CUX1: variants seen among roughly 807,000 people sequenced by gnomAD.
CUX1 encodes the protein cut like homeobox 1, also known as protein CASP.
CUX1 carries 31 observed loss-of-function variants against 158.8 expected under a neutral mutation model. The ratio of observed to expected loss-of-function variants is 0.20; its 90% CI spans 0.15 to 0.26. The LOEUF (loss-of-function observed/expected upper bound fraction) is 0.26, where lower values mean the gene tolerates loss of function less well. Among genes scored for constraint, CUX1 ranks in the 10% least tolerant of loss-of-function variants. The pLI, the probability that CUX1 is intolerant of heterozygous loss-of-function variation, is 1.00. For synonymous variants in CUX1, 879 were observed against 862.1 expected (o/e 1.02, Z -0.34); for missense variants, 1,589 against 2,014.6 (o/e 0.79, Z 4.04).
At chr7:101,835,721 A>G (rs1794550062) in intron 1 of CUX1, among the ~76,000 whole-genome samples, 1 of 152,010 alleles carries the variant, frequency 6.6e-6, no homozygotes, top group South Asian at 2.1e-4. Context: ...CCAATTATAC[A>G]CTTTTAGTTA....
rs67514665 is a variant in CUX1, at chr7:102,242,205, CTT to C, written c.3887+2642_3887+2643del. On this transcript the variant is annotated intron_variant, in intron 23 of 23. Transcript: ENST00000292535. The stretch of plus-strand genomic sequence containing the variant: ...TATCCCATTTCCACTTTCTTTCTTT[CTT>C]TTTTTTTTTTTTTTTTTTTTCTGAG... Among the ~76,000 whole-genome samples the C allele has an allele frequency of 1.6e-3, 150 of 93,024 alleles. 1 individual carries two copies. The highest frequency in any genetic ancestry group is 8.7e-3 in the East Asian group (20 of 2,288). 61.0% of individuals were successfully genotyped at this position (93,024 alleles called of 152,430 possible).
chr7:102,278,062 C>T (rs868969023), exon 18 of CUX1: 1 of 1,607,604 alleles, frequency 6.2e-7, no homozygotes, highest in Non-Finnish European at 8.5e-7. Flanking sequence ...GCTACCCTGG[C>T]CGGGTGAGGG....
intron 9 of CUX1, among the ~76,000 whole-genome samples, chr7:102,164,017 T>C (rs1554507962): frequency 1.3e-5 from 2 of 152,152 alleles, no homozygotes; most frequent in African/African-American, 4.8e-5. Context: ...GGCACTGGCA[T>C]AAATACTCAC....
At chr7:102,282,472 G>A (rs1377457577) in intron 21 of CUX1, among the ~76,000 whole-genome samples, 1 of 152,132 alleles carries the variant, frequency 6.6e-6, no homozygotes, top group Non-Finnish European at 1.5e-5. Context: ...TGACCCCAGG[G>A]TCCAGCGGCT....
chr7:101,996,693 TC>T (rs955933823), intron 2 of CUX1, among the ~76,000 whole-genome samples: 2 of 107,366 alleles, frequency 1.9e-5, no homozygotes, highest in Non-Finnish European at 3.5e-5. Context: ...TTTCCTTCCC[TC>T]CGTCTTTTTC....
rs572456592 is a variant in CUX1 at position 101,957,939 on chromosome 7, C to G, written c.141+41714C>G. 4.2e-4 allele frequency among the ~76,000 whole-genome samples: 64 copies of G among 152,258 alleles called. 1 individual carries two copies. The South Asian group carries it at 0.012, about 28-fold the overall frequency. On this transcript the variant is annotated intron_variant, in intron 2 of 23. Coordinates refer to ENST00000292535, the MANE Select transcript of CUX1 (RefSeq NM_181552.4). ...AACCCCAGCTGCCGTTTACTCACTG[C>G]AGTCCCTGGGCAAGTAATTCAGTCA...
intron 2 of CUX1, among the ~76,000 whole-genome samples, chr7:101,920,640 T>C (rs942464432): frequency 6.6e-6 from 1 of 152,238 alleles, no homozygotes; most frequent in Non-Finnish European, 1.5e-5. Flanking sequence ...TCATATGATA[T>C]TGTGTCTTTT....
At chr7:102,178,140 C>T (rs1242302289) in intron 10 of CUX1, among the ~76,000 whole-genome samples, 2 of 152,172 alleles carry the variant, frequency 1.3e-5, no homozygotes, top group Non-Finnish European at 2.9e-5. Context: ...GACCTAAGGT[C>T]ATCCACCCAC....
intron 4 of CUX1, among the ~76,000 whole-genome samples, chr7:102,074,506 A>G (rs1467535750): frequency 2.0e-5 from 3 of 152,118 alleles, no homozygotes; most frequent in Non-Finnish European, 2.9e-5. Flanking sequence ...GTCTCATTAG[A>G]GTGACAGCTC....
intron 2 of CUX1, among the ~76,000 whole-genome samples, chr7:102,007,543 G>T (rs548824498): frequency 6.6e-6 from 1 of 151,662 alleles, no homozygotes; most frequent in Non-Finnish European, 1.5e-5. Context: ...CACCAGATCA[G>T]TTCCTGGCCT....
chr7:101,857,261 T>C (rs550620275), intron 1 of CUX1, among the ~76,000 whole-genome samples: 1 of 152,388 alleles, frequency 6.6e-6, no homozygotes, highest in South Asian at 2.1e-4. Flanking sequence ...GCATTTTGCC[T>C]GTCACAGGCC....
At chr7:101,999,235 T>TTTTTC (rs1816379725) in intron 2 of CUX1, among the ~76,000 whole-genome samples, 1 of 146,970 alleles carries the variant, frequency 6.8e-6, no homozygotes, top group Admixed American at 6.8e-5. Context: ...TTTTTTTTTT[T>TTTTTC]TTTTTAAGAT....
chr7:102,095,315 A>G (rs970975059), intron 4 of CUX1, among the ~76,000 whole-genome samples: 1 of 152,096 alleles, frequency 6.6e-6, no homozygotes, highest in South Asian at 2.1e-4. Context: ...CCGGCCTCCA[A>G]AATAGCTTTT....
At chr7:101,958,951 C>T (rs1182386859) in intron 2 of CUX1, among the ~76,000 whole-genome samples, 1 of 144,212 alleles carries the variant, frequency 6.9e-6, no homozygotes, top group African/African-American at 2.6e-5. Flanking sequence ...ACCTCCCTGG[C>T]TTAAGCAATC....
chr7:102,037,920 TGGCACATGCCTGTAGTCTCAGCTACTCG>T, intron 3 of CUX1, among the ~76,000 whole-genome samples: 1 of 151,732 alleles, frequency 6.6e-6, no homozygotes, highest in Non-Finnish European at 1.5e-5. Flanking sequence ...CTGGGCATGG[TGGCACATGCCTGTAGTCTCAGCTACTCG>T]GGAGACTGAG....
intron 3 of CUX1, among the ~76,000 whole-genome samples, chr7:102,066,677 C>CA (rs537701027): frequency 4.3e-4 from 65 of 152,314 alleles, no homozygotes; most frequent in African/African-American, 1.5e-3. Flanking sequence ...GGACAGCAGC[C>CA]AGGGCGTCTG....
intron 2 of CUX1, among the ~76,000 whole-genome samples, chr7:101,993,258 A>T (rs929376543): frequency 6.6e-6 from 1 of 152,092 alleles, no homozygotes; most frequent in African/African-American, 2.4e-5. Flanking sequence ...TGAACCCGGG[A>T]GGTAGAGGTT....
intron 22 of CUX1, among the ~76,000 whole-genome samples, chr7:102,235,701 C>CAA (rs781946936): frequency 2.3e-4 from 20 of 88,666 alleles, no homozygotes; most frequent in African/African-American, 8.4e-4. Flanking sequence ...GACCCCATCT[C>CAA]AAAAAAAAAA....
At chr7:102,148,070 A>G (rs1835207877) in intron 8 of CUX1, among the ~76,000 whole-genome samples, 1 of 152,238 alleles carries the variant, frequency 6.6e-6, no homozygotes, top group African/African-American at 2.4e-5. Flanking sequence ...ATGGCAGTGG[A>G]TAAGCAAGTA....
Sources: allele counts gnomAD v4.1 joint callset (sites outside exome capture counted in the v4.1 genomes callset), GRCh38; gene constraint gnomAD v4.1.1; transcripts MANE v1.5; gene names NCBI Gene and HGNC (gene_info 2026-07-23, HGNC 2026-07-21).